TTN: variants seen among roughly 807,000 people sequenced by gnomAD.
The protein encoded by TTN is connectin.
In TTN, 1,525 loss-of-function variants were observed where a neutral mutation model predicts 3,223.0. The observed-to-expected ratio is 0.47, with a 90% CI of 0.45 to 0.49. TTN has a LOEUF of 0.49. TTN is among the 20% of genes least tolerant of loss of function. The probability of loss-of-function intolerance (pLI) is 0.00; values close to 1 mark genes in which losing one functional copy is unlikely to be tolerated. For synonymous variants in TTN, 14,094 were observed against 15,161.0 expected (o/e 0.93, Z 5.17); for missense variants, 40,786 against 43,424.0 (o/e 0.94, Z 5.40).
intron 3 of TTN, 53 bp downstream of exon 3, chr2:178,802,085 G>C: frequency 6.2e-7 from 1 of 1,609,392 alleles, no homozygotes; most frequent in Non-Finnish European, 8.5e-7. Context: ...TTCCCAATTT[G>C]CTGGAGATGT....
chr2:178,689,526 G>A lies in TTN; in HGVS notation c.31916C>T (p.Pro10639Leu). ...ITIVTQREES[P>L]PPAVPEIPKK... The stretch of plus-strand genomic sequence containing the variant: ...ATGGGATTAAGTACCTGCTGGTGGT[G>A]GAGATTCCTCTCTTTGAGTTACAAT... The change falls in exon 123 of 363, where the codon CCA becomes CTA. Residue 10639 changes from proline to leucine, a missense_variant. Physicochemically the swap from Pro to Leu is moderately conservative, Grantham distance 98. Coordinates refer to ENST00000589042, the MANE Select transcript of TTN (RefSeq NM_001267550.2). 4 of 1,609,756 alleles carry A rather than the reference G, an allele frequency of 2.5e-6. No individual in the cohort carries two copies. The highest frequency in any genetic ancestry group is 3.4e-6 in the Non-Finnish European group (4 of 1,177,524).
chr2:178,749,431 C>G (rs779521233), intron 47 of TTN: 1 of 1,613,048 alleles, frequency 6.2e-7, no homozygotes. Flanking sequence ...TGCAACGCAC[C>G]TGCTCTTTCT....
At chr2:178,583,338 T>C (rs1466291321) in intron 312 of TTN, 111 bp from the exon 313 acceptor site, 1 of 1,105,482 alleles carries the variant, frequency 9.0e-7, no homozygotes, top group African/African-American at 1.6e-5. Flanking sequence ...GGAATTTTAG[T>C]GTTATTTCAT....
At chr2:178,771,529 AT>A in intron 33 of TTN, 58 bp from the exon 34 acceptor site, 3 of 1,601,832 alleles carry the variant, frequency 1.9e-6, no homozygotes, top group Non-Finnish European at 2.6e-6. Flanking sequence ...CAATGGGAAA[AT>A]CTTTGCAGAA....
chr2:178,731,887 G>C lies in TTN; in HGVS notation c.16988C>G (p.Thr5663Ser). The change falls in exon 58 of 363, where the codon ACT (threonine) becomes AGT (serine). Residue 5663 changes from threonine (T) to serine (S), a missense_variant. Thr to Ser is a moderately conservative substitution (Grantham distance 58). Coordinates refer to ENST00000589042, the MANE Select transcript of TTN (RefSeq NM_001267550.2). ...GAACCAAGTGATCTCAAAGGGAGGAGTGCCTGCCACCTCAGCCAGCAACAT... is the reference window on the plus strand; with the variant it reads ...GAACCAAGTGATCTCAAAGGGAGGACTGCCTGCCACCTCAGCCAGCAACAT... Reference protein sequence around the residue: ...DVMLLAEVAGTPPFEITWFKD... With the variant: ...DVMLLAEVAGSPPFEITWFKD... The C allele has an allele frequency of 1.2e-6, 2 of 1,613,750 alleles. No individual in the cohort carries two copies. Among genetic ancestry groups the C allele is most frequent in the Non-Finnish European group, 1.7e-6 (2 of 1,179,734 alleles).
chr2:178,772,069 T>C (rs1434188899), intron 33 of TTN, among the ~76,000 whole-genome samples: 1 of 152,208 alleles, frequency 6.6e-6, no homozygotes, highest in Non-Finnish European at 1.5e-5. Context: ...AAATCATTTC[T>C]TATTTAGTTT....
intron 47 of TTN, chr2:178,749,444 T>A (rs770249077): frequency 2.5e-6 from 4 of 1,613,080 alleles, no homozygotes; most frequent in Middle Eastern, 1.7e-4. Flanking sequence ...CTCTTTCTGG[T>A]CTATTTGCTC....
At chr2:178,528,470 A>G in intron 360 of TTN, 43 bp from the exon 361 acceptor site, 1 of 1,603,550 alleles carries the variant, frequency 6.2e-7, no homozygotes, top group Non-Finnish European at 8.5e-7. Context: ...AGTTCTTCAG[A>G]TGTGGAAGAC....
Position 178,775,824 on chromosome 2 carries a change from T to C in TTN, c.6040A>G (p.Thr2014Ala), listed in dbSNP as rs180672509. 3.0e-5 allele frequency: 49 copies of C among 1,614,014 alleles called. No individual in the cohort carries two copies. The East Asian group carries it at 1.1e-3, about 35-fold the overall frequency. The change falls in exon 28 of 363, where the codon ACC becomes GCC. Residue 2014 changes from threonine (T) to alanine (A), a missense_variant. Thr to Ala is a moderately conservative substitution (Grantham distance 58, BLOSUM62 0). Coordinates refer to ENST00000589042, the MANE Select transcript of TTN (RefSeq NM_001267550.2). The part of the protein sequence containing the change: ...RTEEGYYEAI[T>A]AVELKSRKKD... ...TTTCGAGACTTGAGCTCCACAGCGGTAATGGCTTCATAATAGCCCTCTTCT... is the reference window on the plus strand; with the variant it reads ...TTTCGAGACTTGAGCTCCACAGCGGCAATGGCTTCATAATAGCCCTCTTCT...
intron 117 of TTN, 107 bp downstream of exon 117, chr2:178,694,491 GT>G: frequency 1.2e-5 from 8 of 684,504 alleles, no homozygotes; most frequent in Non-Finnish European, 1.9e-5. Context: ...AAAATGTGCT[GT>G]TTTTGGTCGT....
At position 178,667,486 on chromosome 2, in the gene TTN, A is replaced by G. The variant is rs755387702; in HGVS notation, c.35669T>C (p.Ile11890Thr). The change falls in exon 161 of 363, where the codon ATA becomes ACA. Residue 11890 changes from isoleucine (I) to threonine (T), a missense_variant. Ile to Thr is a moderately conservative substitution (Grantham distance 89). Coordinates refer to ENST00000589042, the MANE Select transcript of TTN (RefSeq NM_001267550.2). ...PPKKVVPEDKIYVTIPKKRET... is the reference protein window; with the variant it reads ...PPKKVVPEDKTYVTIPKKRET... ...TCTCTTTTTAGGAATAGTCACATAT[A>G]TTTTGTCTTCTGGAACAACTTTCTT... is the stretch of plus-strand genomic sequence containing the variant. The G allele has an allele frequency of 6.3e-7, 1 of 1,599,322 alleles. No individual in the cohort carries two copies. The highest frequency in any genetic ancestry group is 8.5e-7 in the Non-Finnish European group (1 of 1,179,074).
intron 71 of TTN, 87 bp from the exon 72 acceptor site, chr2:178,724,625 G>C (rs1393290651): frequency 7.3e-7 from 1 of 1,375,024 alleles, no homozygotes; most frequent in Non-Finnish European, 9.5e-7. Flanking sequence ...GTTTCTCCCA[G>C]TGAGATGGTT....
rs763344306 is a variant in TTN at position 178,539,222 on chromosome 2, C to A, written c.98713G>T (p.Glu32905Ter). 1 of 1,613,694 alleles carries A rather than the reference C, an allele frequency of 6.2e-7. No individual in the cohort carries two copies. The highest frequency in any genetic ancestry group is 1.1e-5 in the South Asian group (1 of 91,070). ...GAACTCTTGGTTACATCGAGTACTT[C>A]TGGAGGATTGCTTGGAGGTTCTGGA... ...NPPEPPSNPPEVLDVTKSSVS... is the reference protein window; with the variant it reads ...NPPEPPSNPP The change falls in exon 353 of 363, where the codon GAA becomes TAA. Residue 32905 changes from glutamate (E) to a stop codon, truncating the protein, a stop_gained. Coordinates refer to ENST00000589042, the MANE Select transcript of TTN (RefSeq NM_001267550.2). LOFTEE classifies it high-confidence loss of function.
chr2:178,567,365 G>C lies in TTN; in HGVS notation c.78767C>G (p.Ala26256Gly). ...ATACTGCCCACCATCAATTCTAATT[G>C]CATCTTTTACAATAAGTAAAGCCTT... ...DFKALLIVKD[A>G]IRIDGGQYIL... Residue 26256 changes from alanine (A) to glycine (G), a missense_variant, in exon 326 of 363, where the codon GCA becomes GGA. By Grantham distance (60) the Ala-to-Gly change is moderately conservative. Transcript: ENST00000589042. 6.3e-7 allele frequency: 1 copy of C among 1,595,074 alleles called. No individual in the cohort carries two copies. The highest frequency in any genetic ancestry group is 8.5e-7 in the Non-Finnish European group (1 of 1,173,080).
Position 178,776,383 on chromosome 2 carries a change from T to G in TTN, c.5481A>C (p.Ala1827=). The G allele has an allele frequency of 6.2e-7, 1 of 1,613,012 alleles. No homozygotes were observed. The highest frequency in any genetic ancestry group is 1.1e-5 in the South Asian group (1 of 91,086). The change falls in exon 28 of 363, where the codon GCA becomes GCC. Residue 1827 remains alanine (A), a synonymous_variant. Coordinates refer to ENST00000589042, the MANE Select transcript of TTN (RefSeq NM_001267550.2). ...EELERMAHEG[A]LTGVTTDQKE... Reference sequence around the variant, plus strand: ...TCTGATCTGTTGTTACACCTGTAAGTGCACCTTCATGAGCCATTCTCTCTA... The same window carrying G: ...TCTGATCTGTTGTTACACCTGTAAGGGCACCTTCATGAGCCATTCTCTCTA...
Position 178,753,200 on chromosome 2 carries a change from A to G in TTN, c.11255-20T>C, listed in dbSNP as rs771343426. On this transcript the variant is annotated intron_variant, in intron 46 of 362. Transcript: ENST00000589042. ...CAGGAGCTAAAATAGAAAAACATAT[A>G]AAGAGATTTTAGTGATTAATTGCAT... 1.3e-5 allele frequency: 20 copies of G among 1,588,610 alleles called. No individual in the cohort carries two copies. In the South Asian group the frequency reaches 1.3e-4, roughly 11 times the overall value.
At position 178,578,142 on chromosome 2, in the gene TTN, C is replaced by T. The variant is rs771052899; in HGVS notation, c.68373G>A (p.Lys22791=). 3.1e-6 allele frequency: 5 copies of T among 1,613,034 alleles called. No individual in the cohort carries two copies. Among genetic ancestry groups the T allele is most frequent in the African/African-American group, 1.3e-5 (1 of 74,992 alleles). Residue 22791 remains lysine (K), a synonymous_variant, in exon 322 of 363, where the codon AAG becomes AAA. Transcript: ENST00000589042. ...EFKERNSLLW[K]RANKTPIRMR... ...TCCTTATCGGAGTCTTGTTAGCTCT[C>T]TTCCACAAAAGGCTGTTTCTTTCCT...
At chr2:178,601,935 C>A in intron 284 of TTN, 21 bp from the exon 285 acceptor site, 1 of 1,612,596 alleles carries the variant, frequency 6.2e-7, no homozygotes, top group South Asian at 1.1e-5. Context: ...AGGAGACAGT[C>A]AGTTGTAGTA....
rs772758022 is a variant in TTN, at chr2:178,634,593, A to G, written c.42188T>C (p.Val14063Ala). 2 of 1,613,384 alleles carry G rather than the reference A, an allele frequency of 1.2e-6. No individual in the cohort carries two copies. Among genetic ancestry groups the G allele is most frequent in the Non-Finnish European group, 1.7e-6 (2 of 1,179,514 alleles). Residue 14063 changes from valine (V) to alanine (A), a missense_variant, in exon 230 of 363, where the codon GTC (valine) becomes GCC (alanine). Coordinates refer to ENST00000589042, the MANE Select transcript of TTN (RefSeq NM_001267550.2). The surrounding 1 kb of genome is among the most constrained non-coding windows in gnomAD (Gnocchi z 4.6). ...AGCCTGTCGCCTTTCTGGAACAGTG[A>G]CATCCTTCAGGGGCACAGCAAAGTC... ...ELDFAVPLKD[V>A]TVPERRQARF... is the part of the protein sequence containing the mutation.
Sources: gnomAD v4.1 joint callset for allele counts (sites outside exome capture counted in the v4.1 genomes callset) on GRCh38, gnomAD v4.1.1 for gene constraint, Gnocchi (gnomAD v3.1) non-coding constraint, MANE v1.5 for transcripts, NCBI Gene and HGNC (gene_info 2026-07-23, HGNC 2026-07-21) for gene names.